Variants in NCOA1 observed in about 807,000 individuals in gnomAD.
NCOA1 encodes the protein Hin-2 protein.
NCOA1 carries 35 observed loss-of-function variants against 150.9 expected under a neutral mutation model. The ratio of observed to expected loss-of-function variants is 0.23; its 90% confidence interval spans 0.18 to 0.31. The LOEUF is 0.31. Ranked by LOEUF, NCOA1 falls within the 10% of genes least tolerant of loss-of-function variation. The pLI, the probability that NCOA1 is intolerant of heterozygous loss-of-function variation, is 1.00. For synonymous variants in NCOA1, 590 were observed against 630.0 expected (o/e 0.94, Z 0.95); for missense variants, 1,491 against 1,749.3 (o/e 0.85, Z 2.63).
rs752943600 is a variant in NCOA1 at position 24,707,101 on chromosome 2, T to C, written c.1631T>C (p.Met544Thr). The C allele has an allele frequency of 6.2e-7, 1 of 1,614,180 alleles. No individual in the cohort carries two copies. The highest frequency in any genetic ancestry group is 1.7e-5 in the Admixed American group (1 of 60,028). ...SNIPVTSLQG[M>T]NEGPNNSVGF... ...ATCCCAGTAACATCTTTACAGGGTATGAATGAAGGACCCAATAACTCCGTT... is the reference window on the plus strand; with the variant it reads ...ATCCCAGTAACATCTTTACAGGGTACGAATGAAGGACCCAATAACTCCGTT... The change falls in exon 13 of 23, where the codon ATG (methionine) becomes ACG (threonine). Residue 544 changes from methionine (M) to threonine (T), a missense_variant. Physicochemically the swap from Met to Thr is moderately conservative, Grantham distance 81. This residue lies in a region of NCOA1 where 703 missense variants were observed against 717.7 expected (regional missense o/e 0.98). Coordinates refer to ENST00000348332, the MANE Select transcript of NCOA1 (RefSeq NM_003743.5).
At chr2:24,562,630 T>C (rs1483048409) in intron 1 of NCOA1, among the ~76,000 whole-genome samples, 1 of 152,186 alleles carries the variant, frequency 6.6e-6, no homozygotes, top group African/African-American at 2.4e-5. Flanking sequence ...CTGCACAGCA[T>C]TCGGAGTCTA....
intron 2 of NCOA1, among the ~76,000 whole-genome samples, chr2:24,578,362 A>C (rs1667070680): frequency 6.6e-6 from 1 of 152,160 alleles, no homozygotes. Flanking sequence ...TAATCTTCTA[A>C]AGTAAGAAGA....
intron 1 of NCOA1, among the ~76,000 whole-genome samples, chr2:24,526,017 T>C (rs957815102): frequency 2.6e-5 from 4 of 152,196 alleles, no homozygotes; most frequent in Non-Finnish European, 5.9e-5. Context: ...GAAGATCAAA[T>C]ACAGACATCT....
intron 2 of NCOA1, among the ~76,000 whole-genome samples, chr2:24,575,882 A>G (rs1486948337): frequency 6.6e-6 from 1 of 152,128 alleles, no homozygotes; most frequent in African/African-American, 2.4e-5. Flanking sequence ...CGAAGAGGCC[A>G]TTCTTTTAAG....
chr2:24,658,704 C>A lies in NCOA1; in HGVS notation c.27C>A (p.Ser9=), dbSNP rs200358365. 10 of 1,613,826 alleles carry A rather than the reference C, an allele frequency of 6.2e-6. No individual in the cohort carries two copies. The Admixed American group carries it at 1.5e-4, about 24-fold the overall frequency. Reference sequence around the variant, plus strand: ...TGAGTGGCCTCGGGGACAGTTCATCCGACCCTGCTAACCCAGACTCACATA... The same window carrying A: ...TGAGTGGCCTCGGGGACAGTTCATCAGACCCTGCTAACCCAGACTCACATA... MSGLGDSS[S]DPANPDSHKR... is the part of the protein sequence containing the mutation. Residue 9 remains serine (S), a synonymous_variant, in exon 5 of 23, where the codon TCC becomes TCA. Coordinates refer to ENST00000348332, the MANE Select transcript of NCOA1 (RefSeq NM_003743.5).
intron 1 of NCOA1, among the ~76,000 whole-genome samples, chr2:24,556,349 A>G (rs939420569): frequency 3.3e-5 from 5 of 152,230 alleles, no homozygotes; most frequent in Admixed American, 1.3e-4. Flanking sequence ...ATGGCTGCAT[A>G]GTATTCCATG....
chr2:24,701,483 G>C (rs1673155888), intron 11 of NCOA1, among the ~76,000 whole-genome samples: 1 of 150,216 alleles, frequency 6.7e-6, no homozygotes, highest in Non-Finnish European at 1.5e-5. Context: ...CTCAAACCTG[G>C]GTGACAGAGT....
chr2:24,623,248 G>A (rs751168300), intron 3 of NCOA1, among the ~76,000 whole-genome samples: 3 of 152,208 alleles, frequency 2.0e-5, no homozygotes, highest in Non-Finnish European at 2.9e-5. Flanking sequence ...TGGAAACTCA[G>A]AAAAGTGATA....
At chr2:24,560,296 T>C (rs1312075345) in intron 1 of NCOA1, among the ~76,000 whole-genome samples, 1 of 152,180 alleles carries the variant, frequency 6.6e-6, no homozygotes, top group African/African-American at 2.4e-5. Flanking sequence ...TCAGACAGTT[T>C]GTGTGTAGTC....
chr2:24,615,641 C>T (rs1466289034), intron 3 of NCOA1, among the ~76,000 whole-genome samples: 1 of 152,160 alleles, frequency 6.6e-6, no homozygotes, highest in Non-Finnish European at 1.5e-5. Flanking sequence ...GTCCTAGGCT[C>T]TGGAGATAAA....
intron 11 of NCOA1, among the ~76,000 whole-genome samples, chr2:24,701,150 T>C (rs1344884746): frequency 6.6e-6 from 1 of 152,126 alleles, no homozygotes; most frequent in Non-Finnish European, 1.5e-5. Context: ...TATATATATA[T>C]ATAATGATGT....
chr2:24,517,954 G>A (rs1184625361), intron 1 of NCOA1, among the ~76,000 whole-genome samples: 1 of 152,080 alleles, frequency 6.6e-6, no homozygotes, highest in Non-Finnish European at 1.5e-5. Context: ...AGTTCCTTCT[G>A]GTAGTTGTCT....
chr2:24,496,869 A>T (rs371868089), intron 1 of NCOA1, among the ~76,000 whole-genome samples: 3 of 152,216 alleles, frequency 2.0e-5, no homozygotes, highest in Non-Finnish European at 2.9e-5. Flanking sequence ...TGTGTAAGCT[A>T]GGAGGAAAGG....
intron 4 of NCOA1, among the ~76,000 whole-genome samples, chr2:24,648,576 A>G (rs554781305): frequency 5.9e-5 from 9 of 152,130 alleles, no homozygotes; most frequent in African/African-American, 1.9e-4. Context: ...CAGCCCTCAT[A>G]TTGTGATTTT....
intron 22 of NCOA1, among the ~76,000 whole-genome samples, chr2:24,765,903 T>TTTTTTTTTTTG (rs1665038282): frequency 6.7e-6 from 1 of 150,340 alleles, no homozygotes; most frequent in Admixed American, 6.6e-5. Context: ...ACACTTTTTT[T>TTTTTTTTTTTG]TTTTTTTTTT....
rs9678303 is a variant in NCOA1 at position 24,506,549 on chromosome 2, C to G, written c.-396+14947C>G. ...TCATTTTCAGAGGAAAATTTTGGCT[C>G]GTTACTTTCTTGGCTCACTTCCGTG... On this transcript the variant is annotated intron_variant, in intron 1 of 22. Coordinates refer to ENST00000348332, the MANE Select transcript of NCOA1 (RefSeq NM_003743.5). 6.2e-3 allele frequency among the ~76,000 whole-genome samples: 946 copies of G among 152,194 alleles called. 13 individuals carry two copies. Among genetic ancestry groups the G allele is most frequent in the African/African-American group, 0.021 (867 of 41,532 alleles).
At chr2:24,598,623 G>A (rs1667979435) in intron 3 of NCOA1, among the ~76,000 whole-genome samples, 1 of 152,056 alleles carries the variant, frequency 6.6e-6, no homozygotes, top group African/African-American at 2.4e-5. Flanking sequence ...GGAAGGACAG[G>A]GAGAAACTGG....
At chr2:24,646,370 A>G (rs1173887666) in intron 4 of NCOA1, among the ~76,000 whole-genome samples, 2 of 152,148 alleles carry the variant, frequency 1.3e-5, no homozygotes, top group East Asian at 1.9e-4. Flanking sequence ...AATATTTCCT[A>G]CTTAACCACA....
chr2:24,760,990 G>A (rs1558346789), intron 21 of NCOA1, among the ~76,000 whole-genome samples: 1 of 152,122 alleles, frequency 6.6e-6, no homozygotes, highest in Admixed American at 6.5e-5. Flanking sequence ...TGGGAGTACA[G>A]GGGTGCGCCA....
Sources: gnomAD v4.1 joint callset for allele counts (sites outside exome capture counted in the v4.1 genomes callset) on GRCh38, gnomAD v4.1.1 for gene constraint, gnomAD v4.1.1 regional missense constraint, MANE v1.5 for transcripts, NCBI Gene and HGNC (gene_info 2026-07-23, HGNC 2026-07-21) for gene names.